ZC3H12B: variants seen among roughly 807,000 people sequenced by gnomAD.
The protein encoded by ZC3H12B is zinc finger CCCH-type containing 12B, also known as probable ribonuclease ZC3H12B.
ZC3H12B carries 7 observed loss-of-function variants against 43.9 expected under a neutral mutation model. The ratio of observed to expected loss-of-function variants is 0.16; its 90% CI spans 0.09 to 0.30. ZC3H12B has a LOEUF of 0.30. Among genes scored for constraint, ZC3H12B ranks in the 10% least tolerant of loss-of-function variants. ZC3H12B has a pLI of 1.00. For missense variants in ZC3H12B, 475 were observed against 670.2 expected, an observed-to-expected ratio of 0.71 and a Z score of 3.22; for synonymous variants, 222 against 241.7, an observed-to-expected ratio of 0.92 and a Z score of 0.76.
chrX:65,417,526 G>A (rs1366734574), intron 3 of ZC3H12B, among the ~76,000 whole-genome samples: 1 of 112,437 alleles, frequency 8.9e-6, no homozygotes, highest in Non-Finnish European at 1.9e-5. Context: ...CTTCTCAGAG[G>A]CCTTCTATTT....
At position 65,443,105 on chromosome X, in the gene ZC3H12B, T is replaced by G. The variant is rs559031136; in HGVS notation, n.407+44401T>G. Among the ~76,000 whole-genome samples, 32 of 111,731 alleles carry G rather than the reference T, an allele frequency of 2.9e-4. 1 individual carries two copies. The South Asian group carries it at 0.011, about 37-fold the overall frequency. On this transcript the variant is annotated intron_variant and non_coding_transcript_variant, in intron 3 of 5. Transcript: ENST00000617377. ...CAAATAAACATGCTCTGTAACCTCT[T>G]CTGTTACTTCGCTATAATCGTTCCT...
the ZC3H12B span, among the ~76,000 whole-genome samples, chrX:65,291,289 C>T: frequency 9.0e-6 from 1 of 111,550 alleles, no homozygotes; most frequent in African/African-American, 3.2e-5. Flanking sequence ...TAAAAATTTA[C>T]TTCTTGGTAT....
the ZC3H12B span, among the ~76,000 whole-genome samples, chrX:65,164,283 T>C: frequency 9.0e-6 from 1 of 111,449 alleles, no homozygotes; most frequent in Non-Finnish European, 1.9e-5. Context: ...AGTCAGTTAC[T>C]GGGTGTGGGT....
chrX:65,174,320 A>T, the ZC3H12B span, among the ~76,000 whole-genome samples: 1 of 112,583 alleles, frequency 8.9e-6, no homozygotes, highest in African/African-American at 3.2e-5. Flanking sequence ...ACGTTGTGTA[A>T]AAATGGACTT....
chrX:65,126,072 C>A, the ZC3H12B span, among the ~76,000 whole-genome samples: 1 of 104,634 alleles, frequency 9.6e-6, no homozygotes, highest in Admixed American at 1.0e-4. Flanking sequence ...TCATTCAGAA[C>A]CTTTAAGGAG....
At chrX:65,437,814 T>C (rs2067239695) in intron 3 of ZC3H12B, among the ~76,000 whole-genome samples, 1 of 112,395 alleles carries the variant, frequency 8.9e-6, no homozygotes, top group Admixed American at 9.4e-5. Context: ...ACTCAAGAAA[T>C]CTTTGCCCAG....
chrX:65,215,486 C>A, the ZC3H12B span, among the ~76,000 whole-genome samples: 1 of 110,417 alleles, frequency 9.1e-6, no homozygotes, highest in African/African-American at 3.3e-5. Flanking sequence ...CTTCTGCTTG[C>A]TTTTAACTTT....
chrX:65,044,251 A>G, the ZC3H12B span, among the ~76,000 whole-genome samples: 1 of 111,655 alleles, frequency 9.0e-6, no homozygotes, highest in Non-Finnish European at 1.9e-5. Flanking sequence ...ATCTGGAGGA[A>G]GAACATTTCA....
At chrX:65,095,384 T>G in the ZC3H12B span, among the ~76,000 whole-genome samples, 1 of 111,310 alleles carries the variant, frequency 9.0e-6, no homozygotes, top group Non-Finnish European at 1.9e-5. Flanking sequence ...CTGAACAGAC[T>G]GAAAAACAAC....
At chrX:65,274,232 G>A in the ZC3H12B span, among the ~76,000 whole-genome samples, 1 of 111,672 alleles carries the variant, frequency 9.0e-6, no homozygotes, top group African/African-American at 3.3e-5. Context: ...CATGTCCTGG[G>A]CCAAGTTTGC....
At chrX:65,384,212 C>G (rs1225284845) in intron 2 of ZC3H12B, among the ~76,000 whole-genome samples, 4 of 102,518 alleles carry the variant, frequency 3.9e-5, no homozygotes, top group African/African-American at 7.1e-5. Context: ...AGTTCATGTC[C>G]TTTGTAGGGA....
chrX:65,381,868 T>C (rs772072485), intron 2 of ZC3H12B, among the ~76,000 whole-genome samples: 1 of 111,494 alleles, frequency 9.0e-6, no homozygotes. Context: ...AATGGATAAA[T>C]TCCTCGACAC....
At chrX:65,257,142 A>G in the ZC3H12B span, among the ~76,000 whole-genome samples, 1 of 112,167 alleles carries the variant, frequency 8.9e-6, no homozygotes, top group African/African-American at 3.2e-5. Context: ...TGCCATAAAG[A>G]CACATGCTCA....
chrX:65,249,706 T>C, the ZC3H12B span, among the ~76,000 whole-genome samples: 1 of 111,514 alleles, frequency 9.0e-6, no homozygotes, highest in African/African-American at 3.3e-5. Flanking sequence ...ATGTTTCATT[T>C]CTTTGTGTTG....
At chrX:65,039,484 A>C in the ZC3H12B span, among the ~76,000 whole-genome samples, 1 of 111,559 alleles carries the variant, frequency 9.0e-6, no homozygotes, top group African/African-American at 3.3e-5. Flanking sequence ...TATCACTATA[A>C]CCTTTCACAG....
the ZC3H12B span, among the ~76,000 whole-genome samples, chrX:65,211,574 A>G: frequency 6.0e-5 from 6 of 100,838 alleles, no homozygotes; most frequent in East Asian, 1.8e-3. Context: ...GCTCAAAGTC[A>G]TACATCTAGT....
intron 3 of ZC3H12B, among the ~76,000 whole-genome samples, chrX:65,428,282 A>G (rs943467502): frequency 4.5e-5 from 5 of 111,667 alleles, no homozygotes; most frequent in African/African-American, 9.8e-5. Context: ...GGTTCTCTGC[A>G]TTTCCTAAAT....
At chrX:65,300,880 A>G in the ZC3H12B span, among the ~76,000 whole-genome samples, 1 of 111,414 alleles carries the variant, frequency 9.0e-6, no homozygotes, top group African/African-American at 3.3e-5. Flanking sequence ...GAAAGAATCA[A>G]CAGAGTAAAC....
intron 2 of ZC3H12B, among the ~76,000 whole-genome samples, chrX:65,395,712 G>A (rs1486648187): frequency 9.0e-6 from 1 of 111,624 alleles, no homozygotes; most frequent in African/African-American, 3.3e-5. Flanking sequence ...AATTGAGTTA[G>A]GGAGAAGTCC....
Sources: gnomAD v4.1 joint callset for allele counts (sites outside exome capture counted in the v4.1 genomes callset) on GRCh38, gnomAD v4.1.1 for gene constraint, MANE v1.5 for transcripts, NCBI Gene and HGNC (gene_info 2026-07-23, HGNC 2026-07-21) for gene names.